PRPF8: variants seen among roughly 807,000 people sequenced by gnomAD.
The protein encoded by PRPF8 is pre-mRNA-processing-splicing factor 8.
A neutral mutation model predicts 285.9 loss-of-function variants in PRPF8; 64 were observed. The ratio of observed to expected loss-of-function variants is 0.22; its 90% CI spans 0.18 to 0.28. The LOEUF is 0.28. Among genes scored for constraint, PRPF8 ranks in the 10% least tolerant of loss-of-function variants. The probability of loss-of-function intolerance (pLI) is 1.00; values close to 1 mark genes in which losing one functional copy is unlikely to be tolerated. For missense variants in PRPF8, 1,426 were observed against 3,026.7 expected (o/e 0.47, Z 12.41); for synonymous variants, 1,325 against 1,118.2 (o/e 1.18, Z -3.69).
Position 1,651,965 on chromosome 17 carries a change from C to A in PRPF8, c.6370-177G>T. The stretch of plus-strand genomic sequence containing the variant: ...CTTGTTCAAAATGTTAGACATGGAC[C>A]TCATCGCGGACTTACCACATCAGAA... On this transcript the variant is annotated intron_variant, in intron 39 of 42. Transcript: ENST00000304992. This position sits in a 1 kb window ranked among gnomAD's most constrained non-coding sequence, Gnocchi z 5.1. 2.5e-6 allele frequency: 2 copies of A among 790,098 alleles called. No homozygotes were observed. The highest frequency in any genetic ancestry group is 2.1e-6 in the Non-Finnish European group (1 of 474,010). 48.9% of individuals were successfully genotyped at this position (790,098 alleles called of 1,614,324 possible). A position where few individuals can be genotyped will look rare whatever the true frequency, so the allele number is the denominator to read the frequency against.
Position 1,658,809 on chromosome 17 carries a change from C to G in PRPF8, c.5139-46G>C, listed in dbSNP as rs372253688. On this transcript the variant is annotated intron_variant, in intron 32 of 42. Coordinates refer to ENST00000304992, the MANE Select transcript of PRPF8 (RefSeq NM_006445.4). This position sits in a 1 kb window ranked among gnomAD's most constrained non-coding sequence, Gnocchi z 4.1. ...AGAAAAGTTAAGACGAGAATGACAG[C>G]CCCAGAAACAAGACAAGCTGCCAAC... 2 of 1,546,370 alleles carry G rather than the reference C, an allele frequency of 1.3e-6. No homozygotes were observed. Among genetic ancestry groups the G allele is most frequent in the Non-Finnish European group, 1.8e-6 (2 of 1,118,718 alleles).
rs988297129 is a variant in PRPF8 at position 1,679,593 on chromosome 17, C to A, written c.1289+16G>T. ...ACATCCACTATCATTCCCCCTGCCA[C>A]AGGGAAAAACCTTACCAGTTCTTGA... On this transcript the variant is annotated intron_variant, in intron 9 of 42. Coordinates refer to ENST00000304992, the MANE Select transcript of PRPF8 (RefSeq NM_006445.4). This position sits in a 1 kb window ranked among gnomAD's most constrained non-coding sequence, Gnocchi z 4.7. The A allele has an allele frequency of 3.1e-6, 5 of 1,612,756 alleles. No homozygotes were observed. The highest frequency in any genetic ancestry group is 4.2e-6 in the Non-Finnish European group (5 of 1,179,866).
chr17:1,684,358 A>G, intron 2 of PRPF8, 114 bp downstream of exon 2: 1 of 1,026,316 alleles, frequency 9.7e-7, no homozygotes, highest in South Asian at 1.3e-5. Context: ...ACTGGAAATA[A>G]CAAGGGAGCT....
Position 1,674,537 on chromosome 17 carries a change from T to C in PRPF8, c.3204A>G (p.Pro1068=), listed in dbSNP as rs145534441. ...ASEMAGPPQM[P]NDFLSFQDIA... ...TGTCCTGGAAACTGAGAAAGTCATT[T>C]GGCATCTGAGGGGGCCCAGCCATCT... is the stretch of plus-strand genomic sequence containing the variant. The change falls in exon 21 of 43, where the codon CCA becomes CCG. Residue 1068 remains proline, a synonymous_variant. Transcript: ENST00000304992. 2 of 1,614,070 alleles carry C rather than the reference T, an allele frequency of 1.2e-6. No individual in the cohort carries two copies. The highest frequency in any genetic ancestry group is 1.7e-6 in the Non-Finnish European group (2 of 1,180,040).
intron 21 of PRPF8, among the ~76,000 whole-genome samples, chr17:1,674,199 T>C (rs1341501225): frequency 6.6e-6 from 1 of 152,090 alleles, no homozygotes; most frequent in African/African-American, 2.4e-5. Flanking sequence ...ATTTTTTGTA[T>C]TTTTAGTAGA....
chr17:1,653,542 T>C lies in PRPF8; in HGVS notation c.6369A>G (p.Gln2123=). The change falls in exon 39 of 43, where the codon CAA becomes CAG. Residue 2123 remains glutamine, a splice_region_variant and synonymous_variant. Transcript: ENST00000304992. The surrounding 1 kb of genome is among the most constrained non-coding windows in gnomAD (Gnocchi z 4.9). The stretch of plus-strand genomic sequence containing the variant: ...GGCCTAGCTGAGTCCACTTACTCAC[T>C]TGGGCCCGAAGGTCAGATATGCAGA... The part of the protein sequence containing the change: ...KFICISDLRA[Q]IAGYLYGVSP... The C allele has an allele frequency of 4.3e-6, 7 of 1,614,194 alleles. No homozygotes were observed. The highest frequency in any genetic ancestry group is 5.1e-6 in the Non-Finnish European group (6 of 1,180,030).
chr17:1,650,668 A>G lies in PRPF8; in HGVS notation c.*134T>C. ...AATTTATTATTATATTTTATTCAGGATGACAAGCCATCAGGAGGTCAACAA... is the reference window on the plus strand; with the variant it reads ...AATTTATTATTATATTTTATTCAGGGTGACAAGCCATCAGGAGGTCAACAA... On this transcript the variant is annotated 3_prime_UTR_variant, in exon 43 of 43. Coordinates refer to ENST00000304992, the MANE Select transcript of PRPF8 (RefSeq NM_006445.4). 1.0e-6 allele frequency: 1 copy of G among 991,014 alleles called. No homozygotes were observed. The highest frequency in any genetic ancestry group is 1.4e-5 in the South Asian group (1 of 73,798). The allele number at this position is 991,014 out of a possible 1,614,324, so 61.4% of individuals were successfully genotyped here. A position where few individuals can be genotyped will look rare whatever the true frequency, so the allele number is the denominator to read the frequency against.
In PRPF8 at chr17:1,682,369, A is replaced by G. The variant is rs1567693056; in HGVS notation, c.270-76T>C. The stretch of plus-strand genomic sequence containing the variant: ...TACCTGTCCCATGCAGAGAAGCCAC[A>G]TGTTCATGTTCCACAGTCCTACCTT... On this transcript the variant is annotated intron_variant, in intron 3 of 42. Coordinates refer to ENST00000304992, the MANE Select transcript of PRPF8 (RefSeq NM_006445.4). 9 of 1,538,342 alleles carry G rather than the reference A, an allele frequency of 5.9e-6. No homozygotes were observed. The Admixed American group carries it at 6.7e-5, about 11-fold the overall frequency.
At position 1,656,401 on chromosome 17, in the gene PRPF8, T is replaced by C. The variant is rs1911392346; in HGVS notation, c.5784A>G (p.Ser1928=). The change falls in exon 36 of 43, where the codon TCA becomes TCG. Residue 1928 remains serine, a synonymous_variant. Coordinates refer to ENST00000304992, the MANE Select transcript of PRPF8 (RefSeq NM_006445.4). ...NLYDDWLKTI[S]SYTAFSRLIL... is the part of the protein sequence containing the mutation. Reference sequence around the variant, plus strand: ...TTCCCGAGGTTCATACCGTGTAAGATGAAATAGTCTTGAGCCAGTCGTCAT... The same window carrying C: ...TTCCCGAGGTTCATACCGTGTAAGACGAAATAGTCTTGAGCCAGTCGTCAT... 2 of 1,614,022 alleles carry C rather than the reference T, an allele frequency of 1.2e-6. No homozygotes were observed. The highest frequency in any genetic ancestry group is 1.7e-6 in the Non-Finnish European group (2 of 1,180,034).
intron 24 of PRPF8, among the ~76,000 whole-genome samples, chr17:1,666,369 C>T (rs1434253720): frequency 1.3e-5 from 2 of 151,386 alleles, no homozygotes; most frequent in African/African-American, 2.4e-5. Context: ...GGCAACATGG[C>T]GAAACTGTCT....
In PRPF8 at chr17:1,679,888, G is replaced by T. The variant is rs553088547; in HGVS notation, c.1099-89C>A. 32 of 1,449,054 alleles carry T rather than the reference G, an allele frequency of 2.2e-5. No individual in the cohort carries two copies. The African/African-American group carries it at 4.2e-4, about 19-fold the overall frequency. 89.8% of individuals were successfully genotyped at this position (1,449,054 alleles called of 1,614,324 possible). A position where few individuals can be genotyped will look rare whatever the true frequency, so the allele number is the denominator to read the frequency against. On this transcript the variant is annotated intron_variant, in intron 8 of 42. Coordinates refer to ENST00000304992, the MANE Select transcript of PRPF8 (RefSeq NM_006445.4). The surrounding 1 kb of genome is among the most constrained non-coding windows in gnomAD (Gnocchi z 4.7). ...GAAATTCTCTGGGGCCAAGCACAAAGCCTGTATCTGCTATGGAAACTGGGC... is the reference window on the plus strand; with the variant it reads ...GAAATTCTCTGGGGCCAAGCACAAATCCTGTATCTGCTATGGAAACTGGGC...
At chr17:1,665,845 C>CAA (rs1275826190) in intron 24 of PRPF8, among the ~76,000 whole-genome samples, 9 of 84,144 alleles carry the variant, frequency 1.1e-4, no homozygotes, top group African/African-American at 2.1e-4. Context: ...GACTCCATCT[C>CAA]AAAAAAAAAA....
At chr17:1,669,369 T>C (rs1478472701) in intron 24 of PRPF8, among the ~76,000 whole-genome samples, 1 of 152,228 alleles carries the variant, frequency 6.6e-6, no homozygotes, top group African/African-American at 2.4e-5. Flanking sequence ...CCTCCCAAAG[T>C]GCTGGGATTA....
Position 1,681,882 on chromosome 17 carries a change from A to C in PRPF8, c.591T>G (p.Pro197=). ...AGTCCAACACAGGGGCGTCCTCCTC[A>C]GGGTCCAGCTCTAGCTGAATGGCCT... ...PLEAIQLELD[P]EEDAPVLDWF... The change falls in exon 5 of 43, where the codon CCT becomes CCG. Residue 197 remains proline, a synonymous_variant. Transcript: ENST00000304992. 6.2e-7 allele frequency: 1 copy of C among 1,613,740 alleles called. No homozygotes were observed.
At position 1,657,456 on chromosome 17, in the gene PRPF8, C is replaced by T. The variant is rs573751599; in HGVS notation, c.5506-695G>A. 8.4e-3 allele frequency among the ~76,000 whole-genome samples: 1,261 copies of T among 150,566 alleles called. 14 individuals are homozygous for T. Among genetic ancestry groups the T allele is most frequent in the African/African-American group, 0.029 (1,200 of 40,862 alleles). Reference sequence around the variant, plus strand: ...GTCAGGAGATTGAGACCATCCTGGCCAACATGGTGAAACCCCGTCTCTACT... The same window carrying T: ...GTCAGGAGATTGAGACCATCCTGGCTAACATGGTGAAACCCCGTCTCTACT... On this transcript the variant is annotated intron_variant, in intron 34 of 42. Transcript: ENST00000304992.
rs1016682995 is a variant in PRPF8 at position 1,653,161 on chromosome 17, A to G, written c.6369+381T>C. The G allele has an allele frequency of 1.1e-5, 4 of 376,808 alleles. No individual in the cohort carries two copies. Among genetic ancestry groups the G allele is most frequent in the African/African-American group, 8.3e-5 (4 of 47,964 alleles). The allele number at this position is 376,808 out of a possible 1,614,324, so 23.3% of individuals were successfully genotyped here. ...CACCATATTGGTCAGGCTGGTCTCAAACCCCTGACCTCAGGTGATCCACCC... is the reference window on the plus strand; with the variant it reads ...CACCATATTGGTCAGGCTGGTCTCAGACCCCTGACCTCAGGTGATCCACCC... On this transcript the variant is annotated intron_variant, in intron 39 of 42. Transcript: ENST00000304992. This position sits in a 1 kb window ranked among gnomAD's most constrained non-coding sequence, Gnocchi z 4.9.
At position 1,673,167 on chromosome 17, in the gene PRPF8, G is replaced by A. The variant is rs1047260138; in HGVS notation, c.3688C>T (p.Leu1230=). 1 of 1,614,206 alleles carries A rather than the reference G, an allele frequency of 6.2e-7. No homozygotes were observed. The highest frequency in any genetic ancestry group is 8.5e-7 in the Non-Finnish European group (1 of 1,180,042). Residue 1230 remains leucine (L), a synonymous_variant, in exon 24 of 43, where the codon CTG becomes TTG. Transcript: ENST00000304992. The surrounding 1 kb of genome is among the most constrained non-coding windows in gnomAD (Gnocchi z 5.5). ...VTKERTAQCF[L]RVDDESMQRF... ...TGCATTGACTCATCGTCCACACGCA[G>A]GAAACACTGAGCTGTGCGCTCCTTA...
At chr17:1,666,227 C>A (rs936874749) in intron 24 of PRPF8, among the ~76,000 whole-genome samples, 2 of 151,308 alleles carry the variant, frequency 1.3e-5, no homozygotes, top group African/African-American at 4.9e-5. Flanking sequence ...AACAAACTAG[C>A]AAAGGGATGG....
rs1234961927 is a variant in PRPF8 at position 1,675,581 on chromosome 17, TG to T, written c.2872+38del. ...GATTTTTGACGTAGAACTAAATTCCTGCCCCGTTCCTCACAGGGCGATCTCA... is the reference window on the plus strand; with the variant it reads ...GATTTTTGACGTAGAACTAAATTCCTCCCCGTTCCTCACAGGGCGATCTCA... On this transcript the variant is annotated intron_variant, in intron 19 of 42. Transcript: ENST00000304992. This position sits in a 1 kb window ranked among gnomAD's most constrained non-coding sequence, Gnocchi z 6.0. 6.2e-7 allele frequency: 1 copy of T among 1,610,260 alleles called. No homozygotes were observed. The highest frequency in any genetic ancestry group is 8.5e-7 in the Non-Finnish European group (1 of 1,176,552).
Sources: allele counts gnomAD v4.1 joint callset (sites outside exome capture counted in the v4.1 genomes callset), GRCh38; gene constraint gnomAD v4.1.1; non-coding constraint Gnocchi (gnomAD v3.1); transcripts MANE v1.5; gene names NCBI Gene and HGNC (gene_info 2026-07-23, HGNC 2026-07-21).